PRPS2: variants seen among roughly 807,000 people sequenced by gnomAD.
PRPS2 encodes phosphoribosyl pyrophosphate synthetase 2.
For missense variants in PRPS2, 104 were observed against 271.5 expected (o/e 0.38, Z 4.34); for synonymous variants, 111 against 115.3 (o/e 0.96, Z 0.24).
chrX:12,811,368 C>T (rs1023487652), intron 4 of PRPS2, among the ~76,000 whole-genome samples: 1 of 111,894 alleles, frequency 8.9e-6, no homozygotes, highest in Admixed American at 9.5e-5. Context: ...AAGGGCTTCA[C>T]AGAGATACTC....
intron 1 of PRPS2, among the ~76,000 whole-genome samples, chrX:12,795,692 C>T (rs777800573): frequency 8.9e-5 from 10 of 112,107 alleles, no homozygotes; most frequent in African/African-American, 2.9e-4. Context: ...GACGTTAATC[C>T]GTTTGTGAGG....
intron 4 of PRPS2, among the ~76,000 whole-genome samples, chrX:12,815,140 T>C (rs1162912863): frequency 8.9e-6 from 1 of 112,474 alleles, no homozygotes; most frequent in East Asian, 2.8e-4. Context: ...ATCATAGCGT[T>C]CTAACAACCC....
chrX:12,820,070 C>T (rs776815224), intron 5 of PRPS2, among the ~76,000 whole-genome samples: 1 of 112,420 alleles, frequency 8.9e-6, no homozygotes, highest in Non-Finnish European at 1.9e-5. Flanking sequence ...GAAGCCCCCA[C>T]CCAGCCACAC....
chrX:12,812,989 A>G (rs1742074812), intron 4 of PRPS2, among the ~76,000 whole-genome samples: 1 of 111,912 alleles, frequency 8.9e-6, no homozygotes, highest in African/African-American at 3.3e-5. Flanking sequence ...GATTCCACAA[A>G]TTTGTATGAC....
At chrX:12,799,506 C>A in intron 2 of PRPS2, 116 bp downstream of exon 2, 2 of 796,604 alleles carry the variant, frequency 2.5e-6, no homozygotes, top group Non-Finnish European at 3.5e-6. Context: ...CTTTGATGAT[C>A]AAGTAAATAT....
chrX:12,808,106 A>G (rs2042603194), intron 2 of PRPS2, among the ~76,000 whole-genome samples: 2 of 111,005 alleles, frequency 1.8e-5, no homozygotes, highest in South Asian at 3.8e-4. Flanking sequence ...TGATCTCGTG[A>G]TCCGCCCACC....
At chrX:12,798,211 A>G (rs2042553304) in intron 1 of PRPS2, among the ~76,000 whole-genome samples, 2 of 112,819 alleles carry the variant, frequency 1.8e-5, no homozygotes, top group African/African-American at 6.4e-5. Flanking sequence ...AAAAGAAAAG[A>G]TGTGCATAAA....
chrX:12,814,673 C>T (rs544922259), intron 4 of PRPS2, among the ~76,000 whole-genome samples: 68 of 111,693 alleles, frequency 6.1e-4, no homozygotes, highest in Non-Finnish European at 1.1e-3. Flanking sequence ...GGGTTGACCA[C>T]GGAAAGAAAA....
intron 1 of PRPS2, among the ~76,000 whole-genome samples, chrX:12,797,125 A>C (rs1247623917): frequency 9.0e-6 from 1 of 110,603 alleles, no homozygotes; most frequent in Non-Finnish European, 1.9e-5. Context: ...TGGGAGGCTG[A>C]GGTGGGCGGA....
At chrX:12,815,260 A>T (rs1430375392) in intron 4 of PRPS2, among the ~76,000 whole-genome samples, 1 of 111,353 alleles carries the variant, frequency 9.0e-6, no homozygotes, top group Non-Finnish European at 1.9e-5. Flanking sequence ...TGTGTCCCCC[A>T]CTGCCAAGAA....
chrX:12,792,884 A>G lies in PRPS2; in HGVS notation c.122+1265A>G, dbSNP rs572610833. 1.2e-4 allele frequency among the ~76,000 whole-genome samples: 13 copies of G among 112,575 alleles called. No individual in the cohort carries two copies. In the South Asian group the frequency reaches 4.8e-3, roughly 41 times the overall value. ...TGTTAATACTGATGGGGAAGATGCT[A>G]TATTTTGGCAAGTCAGCTTTTTAGG... On this transcript the variant is annotated intron_variant, in intron 1 of 6. Coordinates refer to ENST00000380668, the MANE Select transcript of PRPS2 (RefSeq NM_002765.5).
chrX:12,816,128 G>A (rs2042646686), intron 4 of PRPS2, among the ~76,000 whole-genome samples: 1 of 111,936 alleles, frequency 8.9e-6, no homozygotes, highest in South Asian at 3.7e-4. Flanking sequence ...AGGGTAGGAT[G>A]AGTGTTCTAA....
intron 2 of PRPS2, among the ~76,000 whole-genome samples, chrX:12,802,087 A>T (rs779448132): frequency 8.9e-6 from 1 of 112,817 alleles, no homozygotes; most frequent in Non-Finnish European, 1.9e-5. Context: ...GTGATAAAAT[A>T]TCAGAAGCTC....
In PRPS2 at chrX:12,810,280, A is replaced by G. The variant is rs1023287745; in HGVS notation, c.530+134A>G. The G allele has an allele frequency of 9.7e-6, 8 of 824,188 alleles. No individual in the cohort carries two copies. In the African/African-American group the frequency reaches 1.4e-4, roughly 15 times the overall value. The allele number at this position is 824,188 out of a possible 1,213,427, so 67.9% of individuals were successfully genotyped here. On this transcript the variant is annotated intron_variant, in intron 4 of 6. Transcript: ENST00000380668. ...GCTAATGAGCAAGTAAGTAGACCGC[A>G]GGCTTCACTTCCAGAGCAGAAACCC...
At chrX:12,792,829 G>A (rs965423564) in intron 1 of PRPS2, among the ~76,000 whole-genome samples, 5 of 111,837 alleles carry the variant, frequency 4.5e-5, no homozygotes, top group African/African-American at 1.3e-4. Context: ...TTGACTTGGG[G>A]TTAGGCAAAA....
At chrX:12,817,390 A>C (rs1292599821) in intron 4 of PRPS2, among the ~76,000 whole-genome samples, 1 of 105,547 alleles carries the variant, frequency 9.5e-6, no homozygotes, top group Non-Finnish European at 1.9e-5. Context: ...CATTTTTAAG[A>C]GTTTAAAAAT....
intron 4 of PRPS2, among the ~76,000 whole-genome samples, chrX:12,810,683 C>T (rs904404966): frequency 9.1e-6 from 1 of 109,930 alleles, no homozygotes; most frequent in African/African-American, 3.3e-5. Flanking sequence ...CCTGGAAACC[C>T]CCATAAAGAA....
chrX:12,815,270 A>C (rs187945355), intron 4 of PRPS2, among the ~76,000 whole-genome samples: 1 of 111,228 alleles, frequency 9.0e-6, no homozygotes, highest in South Asian at 3.8e-4. Flanking sequence ...ACTGCCAAGA[A>C]CCACAGAGCT....
At chrX:12,808,647 A>C (rs1176850983) in intron 2 of PRPS2, among the ~76,000 whole-genome samples, 1 of 112,171 alleles carries the variant, frequency 8.9e-6, no homozygotes, top group Non-Finnish European at 1.9e-5. Flanking sequence ...TTCCATTTGT[A>C]ATAGTGTTAG....
Sources: gnomAD v4.1 joint callset for allele counts (sites outside exome capture counted in the v4.1 genomes callset) on GRCh38, gnomAD v4.1.1 for gene constraint, MANE v1.5 for transcripts, NCBI Gene and HGNC (gene_info 2026-07-23, HGNC 2026-07-21) for gene names.